The following GSG1L2 variants were observed in gnomAD, a reference collection of about 807,000 sequenced individuals.
The protein encoded by GSG1L2 is GSG1 like 2.
In GSG1L2, 15 loss-of-function variants were observed where a neutral mutation model predicts 9.0. The observed-to-expected ratio is 1.67, with a 90% confidence interval of 1.12 to 2.57. The LOEUF is 2.57. GSG1L2 is among the 30% of genes most tolerant of loss of function. The pLI is 0.00. For synonymous variants in GSG1L2, 127 were observed against 57.9 expected (o/e 2.19, Z -5.41); for missense variants, 286 against 150.3 (o/e 1.90, Z -4.72).
In GSG1L2 at chr17:9,821,778, C is replaced by G; in HGVS notation, c.294G>C (p.Glu98Asp). 1.4e-6 allele frequency: 1 copy of G among 703,380 alleles called. No individual in the cohort carries two copies. The highest frequency in any genetic ancestry group is 2.6e-6 in the Non-Finnish European group (1 of 384,994). 43.6% of individuals were successfully genotyped at this position (703,380 alleles called of 1,614,324 possible). Residue 98 changes from glutamate to aspartate, a missense_variant, in exon 1 of 5, where the codon GAG becomes GAC. Physicochemically the swap from Glu to Asp is conservative, Grantham distance 45. Transcript: ENST00000399363. ...FHVGLWQSCE[E>D]SLNGEDEKCR... The stretch of plus-strand genomic sequence containing the variant: ...TTTGCTCACCTTCACCGTTGAGGCT[C>G]TCCTCGCAGGACTGCCAGAGCCCCA...
chr17:9,817,468 A>G (rs1597945419), intron 1 of GSG1L2, among the ~76,000 whole-genome samples: 1 of 145,748 alleles, frequency 6.9e-6, no homozygotes. Context: ...TCTGTCGCCC[A>G]GGCTGGAGTA....
rs1411485894 is a variant in GSG1L2 at position 9,802,577 on chromosome 17, C to A, written c.691G>T (p.Ala231Ser). Residue 231 changes from alanine (A) to serine (S), a missense_variant, in exon 5 of 5, where the codon GCC becomes TCC. Ala to Ser is a moderately conservative substitution (Grantham distance 99). Coordinates refer to ENST00000399363, the MANE Select transcript of GSG1L2 (RefSeq NM_001310219.2). ...TGCTTCTCGGTGAATTCCAGGCGGG[C>A]TGCCGTGAACCTGCTCATGGCCGAG... is the stretch of plus-strand genomic sequence containing the variant. ...SVSAMSRFTA[A>S]RLEFTEKQQA... is the part of the protein sequence containing the mutation. 7.8e-5 allele frequency: 55 copies of A among 702,356 alleles called. No individual in the cohort carries two copies. Among genetic ancestry groups the A allele is most frequent in the Non-Finnish European group, 1.4e-4 (54 of 384,878 alleles). The allele number at this position is 702,356 out of a possible 1,614,324, so 43.5% of individuals were successfully genotyped here.
intron 1 of GSG1L2, among the ~76,000 whole-genome samples, chr17:9,816,677 GT>G (rs1447077249): frequency 6.8e-6 from 1 of 147,964 alleles, no homozygotes; most frequent in Non-Finnish European, 1.5e-5. Context: ...GTGTGTCTGT[GT>G]GTGTGTGTCT....
At chr17:9,816,524 G>C (rs2066562586) in intron 1 of GSG1L2, among the ~76,000 whole-genome samples, 2 of 150,244 alleles carry the variant, frequency 1.3e-5, no homozygotes, top group Admixed American at 1.3e-4. Flanking sequence ...GTGCGTGTCT[G>C]TGTCTCTGTG....
At position 9,821,981 on chromosome 17, in the gene GSG1L2, A is replaced by T. The variant is rs759108960; in HGVS notation, c.91T>A (p.Trp31Arg). Reference sequence around the variant, plus strand: ...ACCACCCGTCGGGTCCCCTCACACCAGTGGCTGCTGACCACGGCGGTGAGG... The same window carrying T: ...ACCACCCGTCGGGTCCCCTCACACCTGTGGCTGCTGACCACGGCGGTGAGG... Reference protein sequence around the residue: ...FSLTAVVSSHWCEGTRRVVKP... With the variant: ...FSLTAVVSSHRCEGTRRVVKP... Residue 31 changes from tryptophan to arginine, a missense_variant, in exon 1 of 5, where the codon TGG becomes AGG. Trp to Arg is a moderately radical substitution (Grantham distance 101). Transcript: ENST00000399363. 7.1e-6 allele frequency: 5 copies of T among 703,080 alleles called. No individual in the cohort carries two copies. Among genetic ancestry groups the T allele is most frequent in the Non-Finnish European group, 1.3e-5 (5 of 385,006 alleles). The allele number at this position is 703,080 out of a possible 1,614,324, so 43.6% of individuals were successfully genotyped here.
intron 1 of GSG1L2, among the ~76,000 whole-genome samples, chr17:9,814,816 G>A (rs1041281692): frequency 1.3e-5 from 2 of 152,020 alleles, no homozygotes; most frequent in African/African-American, 4.8e-5. Flanking sequence ...GTTCTCCGCC[G>A]GCCCCCACTC....
In GSG1L2 at chr17:9,820,602, A is replaced by T. The variant is rs182877634; in HGVS notation, c.310+1160T>A. 3.0e-4 allele frequency among the ~76,000 whole-genome samples: 46 copies of T among 151,698 alleles called. No homozygotes were observed. Among genetic ancestry groups the T allele is most frequent in the Middle Eastern group, 3.4e-3 (1 of 292 alleles). ...TCAGTCAGGCTGGGTACTGCCCCACATTGGCCACCACTGGGAGAGAGGGTG... is the reference window on the plus strand; with the variant it reads ...TCAGTCAGGCTGGGTACTGCCCCACTTTGGCCACCACTGGGAGAGAGGGTG... On this transcript the variant is annotated intron_variant, in intron 1 of 4. Coordinates refer to ENST00000399363, the MANE Select transcript of GSG1L2 (RefSeq NM_001310219.2). This position sits in a 1 kb window ranked among gnomAD's most constrained non-coding sequence, Gnocchi z 4.9.
At chr17:9,815,791 G>T (rs1307955198) in intron 1 of GSG1L2, among the ~76,000 whole-genome samples, 1 of 152,150 alleles carries the variant, frequency 6.6e-6, no homozygotes, top group Non-Finnish European at 1.5e-5. Flanking sequence ...TCAGACAGAG[G>T]TTGCTATGGT....
At chr17:9,809,456 A>C (rs183484537) in intron 2 of GSG1L2, 3 of 165,030 alleles carry the variant, frequency 1.8e-5, no homozygotes, top group Admixed American at 1.2e-4. Context: ...GAACACTCCA[A>C]ACCATAGAAG....
At chr17:9,810,462 G>GA in intron 2 of GSG1L2, 109 bp downstream of exon 2, 1 of 664,406 alleles carries the variant, frequency 1.5e-6, no homozygotes, top group Non-Finnish European at 2.7e-6. Context: ...GGACTTCATG[G>GA]AAAAATCATC....
intron 1 of GSG1L2, among the ~76,000 whole-genome samples, chr17:9,816,438 CTG>C (rs1224004020): frequency 9.1e-6 from 1 of 109,988 alleles, no homozygotes; most frequent in South Asian, 3.2e-4. Context: ...GTGTGTCTCT[CTG>C]TGTGCGTGTG....
In GSG1L2 at chr17:9,816,928, G is replaced by C. The variant is rs72822137; in HGVS notation, c.310+4834C>G. On this transcript the variant is annotated intron_variant, in intron 1 of 4. Coordinates refer to ENST00000399363, the MANE Select transcript of GSG1L2 (RefSeq NM_001310219.2). ...TGTGTATCTGTGTGTGTGTGTGTGT[G>C]TGTGTGTGTGTGTAGTAAACACTCT... 2.5e-4 allele frequency among the ~76,000 whole-genome samples: 36 copies of C among 144,700 alleles called. 1 individual carries two copies. Among genetic ancestry groups the C allele is most frequent in the Non-Finnish European group, 3.9e-4 (26 of 66,850 alleles). The allele number at this position is 144,700 out of a possible 152,430, so 94.9% of individuals were successfully genotyped here.
rs1005866730 is a variant in GSG1L2 at position 9,820,169 on chromosome 17, C to T, written c.310+1593G>A. On this transcript the variant is annotated intron_variant, in intron 1 of 4. Transcript: ENST00000399363. This position sits in a 1 kb window ranked among gnomAD's most constrained non-coding sequence, Gnocchi z 4.9. ...CCACCCCGGCTCTCTTAAATTAGAA[C>T]CTCCAGGACTGGGCACCTGGATATT... Among the ~76,000 whole-genome samples the T allele has an allele frequency of 6.6e-6, 1 of 152,090 alleles. No homozygotes were observed. The highest frequency in any genetic ancestry group is 1.5e-5 in the Non-Finnish European group (1 of 68,004).
rs563388365 is a variant in GSG1L2 at position 9,817,681 on chromosome 17, T to C, written c.310+4081A>G. 3.9e-5 allele frequency among the ~76,000 whole-genome samples: 6 copies of C among 152,202 alleles called. No individual in the cohort carries two copies. The South Asian group carries it at 8.3e-4, about 21-fold the overall frequency. On this transcript the variant is annotated intron_variant, in intron 1 of 4. Transcript: ENST00000399363. ...CTCAAGTGATCTGCCCTCCTTAGCC[T>C]CACAAAGTGCTGAGATTACAGATGT...
rs989841002 is a variant in GSG1L2 at position 9,816,107 on chromosome 17, G to A, written c.311-5489C>T. 3.9e-5 allele frequency among the ~76,000 whole-genome samples: 6 copies of A among 152,186 alleles called. No individual in the cohort carries two copies. The South Asian group carries it at 6.2e-4, about 16-fold the overall frequency. Reference sequence around the variant, plus strand: ...TCTCACCAGATGTGCTCCCTCGACCGTGGATTTCCCAGCCTCCGTAATGGT... The same window carrying A: ...TCTCACCAGATGTGCTCCCTCGACCATGGATTTCCCAGCCTCCGTAATGGT... On this transcript the variant is annotated intron_variant, in intron 1 of 4. Coordinates refer to ENST00000399363, the MANE Select transcript of GSG1L2 (RefSeq NM_001310219.2).
chr17:9,813,974 G>T (rs555773188), intron 1 of GSG1L2, among the ~76,000 whole-genome samples: 1 of 151,630 alleles, frequency 6.6e-6, no homozygotes, highest in South Asian at 2.1e-4. Flanking sequence ...TCGCTCTGTC[G>T]CCAGGGCTGG....
chr17:9,817,790 A>G (rs1278306921), intron 1 of GSG1L2, among the ~76,000 whole-genome samples: 1 of 151,956 alleles, frequency 6.6e-6, no homozygotes, highest in Non-Finnish European at 1.5e-5. Flanking sequence ...CAGAGACCTT[A>G]TGTTGCAGGG....
chr17:9,813,724 C>T (rs1381614469), intron 1 of GSG1L2, among the ~76,000 whole-genome samples: 1 of 152,188 alleles, frequency 6.6e-6, no homozygotes, highest in Non-Finnish European at 1.5e-5. Flanking sequence ...CCTGGCGAGT[C>T]AGGCCAGCAT....
intron 3 of GSG1L2, chr17:9,807,888 C>T (rs2066522193): frequency 1.2e-5 from 4 of 324,400 alleles, no homozygotes; most frequent in East Asian, 6.7e-5. Context: ...TCATCCCATT[C>T]GCTGAGGATA....
Sources: gnomAD v4.1 joint callset for allele counts (sites outside exome capture counted in the v4.1 genomes callset) on GRCh38, gnomAD v4.1.1 for gene constraint, Gnocchi (gnomAD v3.1) non-coding constraint, MANE v1.5 for transcripts, NCBI Gene and HGNC (gene_info 2026-07-23, HGNC 2026-07-21) for gene names.